The following CHD7 variants were observed in gnomAD, a reference collection of about 807,000 sequenced individuals.
The protein encoded by CHD7 is chromodomain helicase DNA binding protein 7.
In CHD7, 24 loss-of-function variants were observed where a neutral mutation model predicts 307.3. The ratio of observed to expected loss-of-function variants is 0.08; its 90% CI spans 0.06 to 0.11. The LOEUF is 0.11. Ranked by LOEUF, CHD7 falls within the 10% of genes least tolerant of loss-of-function variation. CHD7 has a pLI of 1.00. For synonymous variants in CHD7, 1,363 were observed against 1,349.9 expected (o/e 1.01, Z -0.21); for missense variants, 3,106 against 3,727.1 (o/e 0.83, Z 4.34).
chr8:60,850,726 T>C, intron 26 of CHD7, 104 bp downstream of exon 26: 3 of 1,218,022 alleles, frequency 2.5e-6, no homozygotes, highest in Non-Finnish European at 3.5e-6. Flanking sequence ...GTGTCTGATT[T>C]GAAGTTCAGG....
chr8:60,739,210 G>A (rs372579681), intron 1 of CHD7, among the ~76,000 whole-genome samples: 1 of 152,156 alleles, frequency 6.6e-6, no homozygotes, highest in East Asian at 1.9e-4. Context: ...GGACCCTGGA[G>A]GATGAAGCTG....
At chr8:60,718,404 G>A (rs561334397) in intron 1 of CHD7, among the ~76,000 whole-genome samples, 4 of 152,210 alleles carry the variant, frequency 2.6e-5, no homozygotes, top group East Asian at 1.9e-4. Context: ...GAACCCGGTA[G>A]GTGGAGGTTG....
At chr8:60,708,112 G>C (rs1475932902) in intron 1 of CHD7, among the ~76,000 whole-genome samples, 1 of 152,214 alleles carries the variant, frequency 6.6e-6, no homozygotes, top group Non-Finnish European at 1.5e-5. Flanking sequence ...TAGGAACCAG[G>C]AAGAATTTGG....
rs147960197 is a variant in CHD7, at chr8:60,700,343, G to A, written c.-175+21261G>A. Among the ~76,000 whole-genome samples the A allele has an allele frequency of 8.0e-3, 1,224 of 152,272 alleles. 10 individuals are homozygous for A. The highest frequency in any genetic ancestry group is 0.012 in the Non-Finnish European group (840 of 68,022). On this transcript the variant is annotated intron_variant, in intron 1 of 37. Transcript: ENST00000423902. ...TATAACTGCTGATGATTGTTCTGGA[G>A]TAGGTGTATGTTACTTAACAGGTTG...
chr8:60,742,821 C>G lies in CHD7; in HGVS notation c.1389C>G (p.Gly463=). ...TGCAGCAGTCTCGTCCATTTATAGG[C>G]ATGTCCTCGGCACCAAGGGAATTGA... ...RNMQQSRPFI[G]MSSAPRELTG... Residue 463 remains glycine, a synonymous_variant, in exon 2 of 38, where the codon GGC becomes GGG. Transcript: ENST00000423902. 6.2e-7 allele frequency: 1 copy of G among 1,613,764 alleles called. No homozygotes were observed. Among genetic ancestry groups the G allele is most frequent in the Non-Finnish European group, 8.5e-7 (1 of 1,179,750 alleles).
chr8:60,830,173 G>GT, intron 14 of CHD7, 149 bp from the exon 15 acceptor site: 3 of 769,436 alleles, frequency 3.9e-6, no homozygotes, highest in Non-Finnish European at 6.2e-6. Context: ...TATGAAAGCT[G>GT]AGAGATGAGC....
intron 23 of CHD7, 76 bp from the exon 24 acceptor site, chr8:60,848,439 A>G: frequency 1.1e-6 from 1 of 941,394 alleles, no homozygotes; most frequent in East Asian, 2.6e-5. Flanking sequence ...GATGAACAGC[A>G]GCAGCTGCCA....
chr8:60,788,068 T>A (rs973256457), intron 3 of CHD7, among the ~76,000 whole-genome samples: 2 of 151,908 alleles, frequency 1.3e-5, no homozygotes, highest in Non-Finnish European at 2.9e-5. Context: ...GTGATCCGCC[T>A]ACCTTGGTCT....
intron 2 of CHD7, among the ~76,000 whole-genome samples, chr8:60,744,864 A>T (rs1809246098): frequency 6.6e-6 from 1 of 151,328 alleles, no homozygotes; most frequent in Non-Finnish European, 1.5e-5. Context: ...AAAAAAAAAA[A>T]AATTTTTTTT....
chr8:60,697,899 A>G (rs1318187300), intron 1 of CHD7, among the ~76,000 whole-genome samples: 3 of 152,328 alleles, frequency 2.0e-5, no homozygotes, highest in East Asian at 1.9e-4. Flanking sequence ...GCATAGGTGG[A>G]CTCATGAGTT....
chr8:60,856,355 A>G, intron 33 of CHD7, 90 bp from the exon 34 acceptor site: 2 of 1,343,254 alleles, frequency 1.5e-6, no homozygotes, highest in Non-Finnish European at 2.0e-6. Flanking sequence ...TAATTCCTTA[A>G]GCTTCTTGTT....
intron 7 of CHD7, among the ~76,000 whole-genome samples, chr8:60,810,353 C>T (rs80006475): frequency 0.02 from 2,990 of 151,420 alleles, 90 homozygotes; most frequent in African/African-American, 0.061. Context: ...TAGTCCCTCT[C>T]AGTGGATAGG....
At chr8:60,799,004 C>T (rs182578789) in intron 4 of CHD7, among the ~76,000 whole-genome samples, 17 of 152,258 alleles carry the variant, frequency 1.1e-4, no homozygotes, top group African/African-American at 3.6e-4. Flanking sequence ...AATCTGTTGT[C>T]TGTCTTTTCA....
intron 3 of CHD7, among the ~76,000 whole-genome samples, chr8:60,786,140 C>T (rs1189140612): frequency 6.6e-6 from 1 of 152,210 alleles, no homozygotes; most frequent in Non-Finnish European, 1.5e-5. Context: ...ACAAAAGGAC[C>T]ATAGCATCTT....
chr8:60,864,114 T>C (rs1400211856), intron 37 of CHD7: 1 of 151,688 alleles, frequency 6.6e-6, no homozygotes, highest in Non-Finnish European at 1.5e-5. Flanking sequence ...TACAGCACAG[T>C]GTTTTTTTCT....
At chr8:60,842,927 G>A (rs1267069142) in intron 21 of CHD7, among the ~76,000 whole-genome samples, 1 of 152,182 alleles carries the variant, frequency 6.6e-6, no homozygotes, top group Non-Finnish European at 1.5e-5. Context: ...CATCTCATCT[G>A]TGTCTTTGCA....
intron 1 of CHD7, among the ~76,000 whole-genome samples, chr8:60,683,569 T>C (rs1805735245): frequency 6.6e-6 from 1 of 152,260 alleles, no homozygotes; most frequent in Non-Finnish European, 1.5e-5. Context: ...TATTAGAGAA[T>C]GATTGGATAT....
At chr8:60,729,220 G>C (rs921401999) in intron 1 of CHD7, among the ~76,000 whole-genome samples, 4 of 152,246 alleles carry the variant, frequency 2.6e-5, no homozygotes, top group South Asian at 2.1e-4. Context: ...GCATTTGAAT[G>C]TGTAGAGCTC....
rs1432652391 is a variant in CHD7 at position 60,841,967 on chromosome 8, G to A, written c.4765G>A (p.Ala1589Thr). 6 of 1,613,440 alleles carry A rather than the reference G, an allele frequency of 3.7e-6. No individual in the cohort carries two copies. The highest frequency in any genetic ancestry group is 5.1e-6 in the Non-Finnish European group (6 of 1,179,710). ...LESDSEEKPC[A>T]KPRRPQDKSQ... ...AAGTGATTCTGAAGAAAAGCCCTGT[G>A]CAAAGCCACGGCGTCCCCAGGATAA... The change falls in exon 21 of 38, where the codon GCA becomes ACA. Residue 1589 changes from alanine to threonine, a missense_variant. Physicochemically the swap from Ala to Thr is moderately conservative, Grantham distance 58. Transcript: ENST00000423902.
Sources: allele counts gnomAD v4.1 joint callset (sites outside exome capture counted in the v4.1 genomes callset), GRCh38; gene constraint gnomAD v4.1.1; transcripts MANE v1.5; gene names NCBI Gene and HGNC (gene_info 2026-07-23, HGNC 2026-07-21).